Variants in NEK11 observed in about 807,000 individuals in gnomAD.
The protein encoded by NEK11 is NIMA related kinase 11.
In NEK11, 72 loss-of-function variants were observed where a neutral mutation model predicts 80.7. The ratio of observed to expected loss-of-function variants is 0.89; its 90% CI spans 0.74 to 1.08. The LOEUF is 1.08. Ranked by LOEUF, NEK11 falls within the 50% of genes least tolerant of loss-of-function variation. The pLI, the probability that NEK11 is intolerant of heterozygous loss-of-function variation, is 0.00. For missense variants in NEK11, 764 were observed against 763.6 expected, an observed-to-expected ratio of 1.00 and a Z score of -0.01; for synonymous variants, 251 against 260.7, an observed-to-expected ratio of 0.96 and a Z score of 0.36.
chr3:131,110,211 C>T (rs756554990), intron 5 of NEK11, among the ~76,000 whole-genome samples: 1 of 152,092 alleles, frequency 6.6e-6, no homozygotes, highest in South Asian at 2.1e-4. Context: ...CTGTGAATTA[C>T]AGGAAGTTCT....
intron 15 of NEK11, among the ~76,000 whole-genome samples, chr3:131,242,047 G>T (rs572306047): frequency 6.6e-6 from 1 of 152,224 alleles, no homozygotes; most frequent in East Asian, 1.9e-4. Flanking sequence ...GGCAGGCATT[G>T]ATAGTTATCA....
chr3:131,316,463 T>C (rs2096841246), intron 17 of NEK11, among the ~76,000 whole-genome samples: 1 of 152,210 alleles, frequency 6.6e-6, no homozygotes, highest in Admixed American at 6.6e-5. Flanking sequence ...AGAAGGTACA[T>C]TTAACAGCTT....
chr3:131,327,022 G>A (rs1252844373), intron 17 of NEK11, among the ~76,000 whole-genome samples: 2 of 152,144 alleles, frequency 1.3e-5, no homozygotes, highest in Admixed American at 1.3e-4. Flanking sequence ...GGAAGCAGAG[G>A]GAGCAGCTCC....
intron 5 of NEK11, among the ~76,000 whole-genome samples, chr3:131,121,622 G>T (rs1030026379): frequency 6.6e-6 from 1 of 152,164 alleles, no homozygotes; most frequent in African/African-American, 2.4e-5. Flanking sequence ...CTTGAACTCC[G>T]GTGGGCTCCA....
intron 5 of NEK11, among the ~76,000 whole-genome samples, chr3:131,116,998 A>G (rs1170131511): frequency 2.6e-5 from 4 of 152,146 alleles, no homozygotes; most frequent in Non-Finnish European, 4.4e-5. Context: ...CCATTTGCCA[A>G]TTTTGGCTTT....
intron 14 of NEK11, among the ~76,000 whole-genome samples, chr3:131,224,315 C>T (rs1477569239): frequency 6.6e-6 from 1 of 152,016 alleles, no homozygotes; most frequent in Non-Finnish European, 1.5e-5. Context: ...GCATCCTCCA[C>T]CTTCCAGGCT....
At chr3:131,273,620 C>A (rs2096241280) in intron 17 of NEK11, 46 bp downstream of exon 17, 4 of 1,395,086 alleles carry the variant, frequency 2.9e-6, no homozygotes, top group Non-Finnish European at 4.1e-6. Context: ...AGTGTTAAAG[C>A]ATATTGACCA....
chr3:131,347,546 A>G (rs1415965507), intron 17 of NEK11, among the ~76,000 whole-genome samples: 1 of 152,186 alleles, frequency 6.6e-6, no homozygotes, highest in Non-Finnish European at 1.5e-5. Context: ...AAGCTTATAA[A>G]ATGAATGAGT....
At chr3:131,315,471 G>GTGTGTGTT (rs1286184317) in intron 17 of NEK11, among the ~76,000 whole-genome samples, 4 of 127,806 alleles carry the variant, frequency 3.1e-5, no homozygotes, top group South Asian at 5.0e-4. Context: ...ATATTCCTGT[G>GTGTGTGTT]TGTGTGTGTG....
intron 17 of NEK11, among the ~76,000 whole-genome samples, chr3:131,292,307 G>A (rs147619337): frequency 7.2e-5 from 11 of 152,240 alleles, no homozygotes; most frequent in African/African-American, 2.4e-4. Flanking sequence ...ATACTACATT[G>A]TCTTGATCAC....
chr3:131,331,519 C>A (rs1178697007), intron 17 of NEK11, among the ~76,000 whole-genome samples: 1 of 152,184 alleles, frequency 6.6e-6, no homozygotes, highest in African/African-American at 2.4e-5. Context: ...TCTACACCTC[C>A]CAGCGTGAGC....
At chr3:131,054,601 A>T (rs1336467701) in intron 3 of NEK11, 1 of 151,026 alleles carries the variant, frequency 6.6e-6, no homozygotes, top group Non-Finnish European at 1.5e-5. Context: ...CGAAAAAAAT[A>T]AAAAAATTAG....
intron 9 of NEK11, among the ~76,000 whole-genome samples, chr3:131,154,318 T>A (rs926768365): frequency 4.6e-5 from 7 of 152,270 alleles, no homozygotes; most frequent in East Asian, 1.9e-4. Context: ...AGGGATCTGC[T>A]GGGACCAAGA....
Position 131,189,814 on chromosome 3 carries a change from T to C in NEK11, c.1399+18927T>C, listed in dbSNP as rs140315239. Among the ~76,000 whole-genome samples the C allele has an allele frequency of 3.3e-3, 505 of 152,278 alleles. 3 individuals carry two copies. The highest frequency in any genetic ancestry group is 3.8e-3 in the Non-Finnish European group (260 of 68,010). Reference sequence around the variant, plus strand: ...ATCTGTTAGATGGAAATCACAATGATATTGATGTCATAGCATTACTGTGAG... The same window carrying C: ...ATCTGTTAGATGGAAATCACAATGACATTGATGTCATAGCATTACTGTGAG... On this transcript the variant is annotated intron_variant, in intron 14 of 17. Transcript: ENST00000383366.
chr3:131,180,392 G>T (rs2093279504), intron 14 of NEK11, among the ~76,000 whole-genome samples: 2 of 152,082 alleles, frequency 1.3e-5, no homozygotes, highest in African/African-American at 4.8e-5. Context: ...GTTCCAATTA[G>T]ATAGAGAAAC....
At chr3:131,140,460 G>A (rs890606172) in intron 7 of NEK11, among the ~76,000 whole-genome samples, 9 of 152,192 alleles carry the variant, frequency 5.9e-5, no homozygotes, top group East Asian at 1.9e-4. Flanking sequence ...GCTGTGGGGA[G>A]CAGGTTCAAG....
chr3:131,106,137 G>T (rs2079141001), intron 4 of NEK11, among the ~76,000 whole-genome samples: 1 of 152,120 alleles, frequency 6.6e-6, no homozygotes, highest in Non-Finnish European at 1.5e-5. Context: ...TGGAAAACCT[G>T]TGAATTATAA....
At chr3:131,235,589 A>G (rs962232467) in intron 15 of NEK11, among the ~76,000 whole-genome samples, 1 of 152,078 alleles carries the variant, frequency 6.6e-6, no homozygotes, top group Non-Finnish European at 1.5e-5. Flanking sequence ...TAACCTGGTA[A>G]TCTGAAGGCA....
At chr3:131,103,269 T>C (rs777539926) in intron 4 of NEK11, among the ~76,000 whole-genome samples, 5 of 152,038 alleles carry the variant, frequency 3.3e-5, no homozygotes, top group Non-Finnish European at 7.4e-5. Context: ...AACTCTTGAG[T>C]TGGTTCTTTC....
Sources: gnomAD v4.1 joint callset for allele counts (sites outside exome capture counted in the v4.1 genomes callset) on GRCh38, gnomAD v4.1.1 for gene constraint, MANE v1.5 for transcripts, NCBI Gene and HGNC (gene_info 2026-07-23, HGNC 2026-07-21) for gene names.